EXOC4: variants seen among roughly 807,000 people sequenced by gnomAD.
The protein encoded by EXOC4 is exocyst complex component 4, also known as SEC8-like 1.
EXOC4 carries 71 observed loss-of-function variants against 107.2 expected under a neutral mutation model. The observed-to-expected ratio is 0.66, with a 90% CI of 0.55 to 0.81. The LOEUF is 0.81. Among genes scored for constraint, EXOC4 ranks in the 30% least tolerant of loss-of-function variants. EXOC4 has a pLI of 0.00. For synonymous variants in EXOC4, 456 were observed against 441.2 expected, an observed-to-expected ratio of 1.03 and a Z score of -0.42; for missense variants, 1,108 against 1,189.6, an observed-to-expected ratio of 0.93 and a Z score of 1.01.
chr7:134,058,820 G>A (rs924545097), intron 17 of EXOC4, among the ~76,000 whole-genome samples: 2 of 151,956 alleles, frequency 1.3e-5, no homozygotes, highest in African/African-American at 2.4e-5. Flanking sequence ...GTAAATACAG[G>A]GCTCAAAAGT....
the EXOC4 span, among the ~76,000 whole-genome samples, chr7:134,085,974 G>A: frequency 6.6e-6 from 1 of 152,162 alleles, no homozygotes; most frequent in Non-Finnish European, 1.5e-5. Context: ...TCTCACCTCT[G>A]GCTGACCTTG....
chr7:133,837,084 T>A (rs1797933009), intron 11 of EXOC4, among the ~76,000 whole-genome samples: 1 of 152,202 alleles, frequency 6.6e-6, no homozygotes, highest in Non-Finnish European at 1.5e-5. Flanking sequence ...TAAAAAAGAT[T>A]AATCCATTGT....
chr7:133,563,468 C>A (rs1229661478), intron 9 of EXOC4, among the ~76,000 whole-genome samples: 1 of 152,112 alleles, frequency 6.6e-6, no homozygotes, highest in African/African-American at 2.4e-5. Flanking sequence ...CCAATGTTGC[C>A]TGGGTCACAT....
rs1332438791 is a variant in EXOC4 at position 133,755,564 on chromosome 7, G to C, written c.1515-61761G>C. Among the ~76,000 whole-genome samples the C allele has an allele frequency of 7.3e-5, 11 of 150,990 alleles. 1 individual carries two copies. In the Admixed American group the frequency reaches 7.3e-4, roughly 10 times the overall value. Reference sequence around the variant, plus strand: ...TCACCATGTTGGCCAGGATGTTCTCGATATCCTGACCTCGTGATCCACCCG... The same window carrying C: ...TCACCATGTTGGCCAGGATGTTCTCCATATCCTGACCTCGTGATCCACCCG... On this transcript the variant is annotated intron_variant, in intron 10 of 17. Transcript: ENST00000253861.
At chr7:133,291,437 A>G (rs1794402740) in intron 3 of EXOC4, among the ~76,000 whole-genome samples, 1 of 145,480 alleles carries the variant, frequency 6.9e-6, no homozygotes, top group African/African-American at 2.6e-5. Flanking sequence ...GCTGGAGTGC[A>G]GTGGTGTGAT....
At chr7:133,359,395 G>C (rs1796091474) in intron 6 of EXOC4, among the ~76,000 whole-genome samples, 1 of 152,182 alleles carries the variant, frequency 6.6e-6, no homozygotes, top group African/African-American at 2.4e-5. Context: ...GAAGGTATTA[G>C]TGGCATTTAT....
chr7:133,755,264 T>A (rs11983304), intron 10 of EXOC4, among the ~76,000 whole-genome samples: 292 of 94,232 alleles, frequency 3.1e-3, no homozygotes, highest in African/African-American at 0.012. Flanking sequence ...TATATATATA[T>A]TATATATATT....
chr7:133,916,955 A>G (rs944397296), intron 12 of EXOC4, among the ~76,000 whole-genome samples: 2 of 152,194 alleles, frequency 1.3e-5, no homozygotes, highest in African/African-American at 2.4e-5. Context: ...TAGCTAACCC[A>G]TGGGCCCTAT....
At chr7:133,756,250 T>C (rs1562984659) in intron 10 of EXOC4, among the ~76,000 whole-genome samples, 2 of 152,198 alleles carry the variant, frequency 1.3e-5, no homozygotes, top group Non-Finnish European at 2.9e-5. Flanking sequence ...TTAACTGCTT[T>C]TTTTCCCCTA....
intron 12 of EXOC4, among the ~76,000 whole-genome samples, chr7:133,897,782 A>G (rs2116533337): frequency 6.6e-6 from 1 of 152,294 alleles, no homozygotes; most frequent in South Asian, 2.1e-4. Flanking sequence ...TGAATACATT[A>G]TGAAATGATT....
At chr7:133,843,934 T>C (rs1482001441) in intron 11 of EXOC4, among the ~76,000 whole-genome samples, 5 of 152,148 alleles carry the variant, frequency 3.3e-5, no homozygotes, top group Non-Finnish European at 5.9e-5. Context: ...TGGTTTTTGT[T>C]TTTAGTTCTG....
At chr7:133,888,942 T>C (rs897034914) in intron 11 of EXOC4, among the ~76,000 whole-genome samples, 1 of 152,250 alleles carries the variant, frequency 6.6e-6, no homozygotes, top group African/African-American at 2.4e-5. Context: ...ATCATTGTAC[T>C]TTGCACTTGT....
chr7:134,062,042 T>C (rs1336543562), intron 17 of EXOC4, among the ~76,000 whole-genome samples: 3 of 152,134 alleles, frequency 2.0e-5, no homozygotes, highest in Non-Finnish European at 4.4e-5. Context: ...ATATTCAGGG[T>C]CACCCTGGAC....
At chr7:134,014,036 G>A (rs1794835102) in intron 17 of EXOC4, among the ~76,000 whole-genome samples, 1 of 152,176 alleles carries the variant, frequency 6.6e-6, no homozygotes, top group Admixed American at 6.5e-5. Context: ...TATATACACA[G>A]ATAAATGAAA....
chr7:133,340,271 G>A (rs1027324678), intron 5 of EXOC4, among the ~76,000 whole-genome samples: 2 of 152,088 alleles, frequency 1.3e-5, no homozygotes, highest in African/African-American at 4.8e-5. Context: ...AAATGATCCT[G>A]TGATTTTTGT....
At chr7:133,556,389 C>T (rs1800691207) in intron 9 of EXOC4, among the ~76,000 whole-genome samples, 1 of 151,858 alleles carries the variant, frequency 6.6e-6, no homozygotes, top group Non-Finnish European at 1.5e-5. Flanking sequence ...GATTTTTTGC[C>T]CTACCTTTTT....
intron 10 of EXOC4, among the ~76,000 whole-genome samples, chr7:133,684,954 A>G (rs1794264123): frequency 6.6e-6 from 1 of 152,146 alleles, no homozygotes; most frequent in South Asian, 2.1e-4. Flanking sequence ...GGTAGAATAG[A>G]AAAAAATCCA....
chr7:133,716,208 T>C (rs879437037), intron 10 of EXOC4, among the ~76,000 whole-genome samples: 4 of 152,234 alleles, frequency 2.6e-5, no homozygotes, highest in Non-Finnish European at 5.9e-5. Context: ...TATTGAATAC[T>C]TACAATGTGC....
intron 6 of EXOC4, among the ~76,000 whole-genome samples, chr7:133,367,138 G>A (rs1287658936): frequency 6.6e-6 from 1 of 152,142 alleles, no homozygotes; most frequent in Non-Finnish European, 1.5e-5. Flanking sequence ...TTAAGTTAGC[G>A]GTCTACAGCT....
Sources: allele counts gnomAD v4.1 joint callset (sites outside exome capture counted in the v4.1 genomes callset), GRCh38; gene constraint gnomAD v4.1.1; transcripts MANE v1.5; gene names NCBI Gene and HGNC (gene_info 2026-07-23, HGNC 2026-07-21).